TBCD: variants seen among roughly 807,000 people sequenced by gnomAD.
TBCD encodes the protein tubulin folding cofactor D.
Under a neutral mutation model 169.3 loss-of-function variants are expected in TBCD, and 105 were observed. The observed-to-expected ratio is 0.62, with a 90% CI of 0.53 to 0.73. The LOEUF (loss-of-function observed/expected upper bound fraction) is 0.73. Among genes scored for constraint, TBCD ranks in the 30% least tolerant of loss-of-function variants. The pLI is 0.00. For synonymous variants in TBCD, 700 were observed against 643.9 expected (o/e 1.09, Z -1.32); for missense variants, 1,444 against 1,600.1 (o/e 0.90, Z 1.66).
intron 7 of TBCD, among the ~76,000 whole-genome samples, chr17:82,788,247 T>A (rs1164158314): frequency 6.6e-6 from 1 of 151,994 alleles, no homozygotes; most frequent in Non-Finnish European, 1.5e-5. Context: ...AAAAAAAAAT[T>A]TACAAAAAGG....
chr17:82,931,188 G>A (rs965807460), intron 33 of TBCD, among the ~76,000 whole-genome samples: 1 of 152,252 alleles, frequency 6.6e-6, no homozygotes, highest in Non-Finnish European at 1.5e-5. Flanking sequence ...GAGGACACGG[G>A]CCTGGTGTCC....
chr17:82,893,317 G>C, intron 16 of TBCD: 1 of 547,398 alleles, frequency 1.8e-6, no homozygotes. Context: ...TGAAATACTT[G>C]TGAGTGGTTT....
intron 7 of TBCD, among the ~76,000 whole-genome samples, chr17:82,790,110 G>A (rs1388119284): frequency 5.3e-5 from 8 of 152,080 alleles, no homozygotes; most frequent in African/African-American, 1.4e-4. Context: ...TGTGCTTCAC[G>A]TCATCCTGAG....
At position 82,944,013 on chromosome 17, in the gene TBCD, C is replaced by T. The variant is rs575009271; in HGVS notation, c.*1550C>T. ...GTGGAACAGGCGCACCATCGCCATG[C>T]CTGCAGCTCACAAAGCTCCTGCTGG... On this transcript the variant is annotated 3_prime_UTR_variant, in exon 39 of 39. Coordinates refer to ENST00000355528, the MANE Select transcript of TBCD (RefSeq NM_005993.5). 12 of 152,200 alleles carry T rather than the reference C, an allele frequency of 7.9e-5. No individual in the cohort carries two copies. The highest frequency in any genetic ancestry group is 1.9e-4 in the East Asian group (1 of 5,190). 9.4% of individuals were successfully genotyped at this position (152,200 alleles called of 1,614,324 possible). A position where few individuals can be genotyped will look rare whatever the true frequency, so the allele number is the denominator to read the frequency against.
At chr17:82,848,375 C>A (rs531122738) in intron 13 of TBCD, among the ~76,000 whole-genome samples, 1 of 148,344 alleles carries the variant, frequency 6.7e-6, no homozygotes, top group Non-Finnish European at 1.5e-5. Flanking sequence ...CTATGTATGG[C>A]TTGTTTTGTC....
chr17:82,905,320 A>G (rs892366584), intron 19 of TBCD, among the ~76,000 whole-genome samples: 2 of 152,184 alleles, frequency 1.3e-5, no homozygotes, highest in Non-Finnish European at 2.9e-5. Context: ...CGTCTGGGGC[A>G]CTTGGGAGCG....
chr17:82,808,591 T>C (rs1270899196), intron 11 of TBCD, among the ~76,000 whole-genome samples: 1 of 67,510 alleles, frequency 1.5e-5, no homozygotes, highest in Non-Finnish European at 2.8e-5. Context: ...GTGGAGGGGA[T>C]GAGGCAGGTC....
At position 82,923,581 on chromosome 17, in the gene TBCD, C is replaced by A; in HGVS notation, c.2179-71C>A. On this transcript the variant is annotated intron_variant, in intron 25 of 38. Coordinates refer to ENST00000355528, the MANE Select transcript of TBCD (RefSeq NM_005993.5). This position sits in a 1 kb window ranked among gnomAD's most constrained non-coding sequence, Gnocchi z 4.6. ...GGTGCTTCTCCGACTTCAGAGTGAC[C>A]TGCTCTGTCCCTGGCCGGGGGCTTC... 1 of 1,304,016 alleles carries A rather than the reference C, an allele frequency of 7.7e-7. No individual in the cohort carries two copies. Among genetic ancestry groups the A allele is most frequent in the Non-Finnish European group, 1.1e-6 (1 of 930,966 alleles). The allele number at this position is 1,304,016 out of a possible 1,614,324, so 80.8% of individuals were successfully genotyped here.
intron 14 of TBCD, among the ~76,000 whole-genome samples, chr17:82,878,196 C>T (rs1289729610): frequency 6.6e-6 from 1 of 152,192 alleles, no homozygotes; most frequent in African/African-American, 2.4e-5. Context: ...TGGTCCTGTG[C>T]CCTCAGCCTC....
intron 13 of TBCD, among the ~76,000 whole-genome samples, chr17:82,851,286 A>T (rs2055767123): frequency 6.6e-6 from 1 of 152,240 alleles, no homozygotes; most frequent in Non-Finnish European, 1.5e-5. Context: ...AAAAAAGTTT[A>T]AAAATAAAAA....
At chr17:82,766,181 G>C in intron 3 of TBCD, 86 bp from the exon 4 acceptor site, 1 of 1,050,372 alleles carries the variant, frequency 9.5e-7, no homozygotes, top group Admixed American at 2.1e-5. Context: ...CGCGTAGCTG[G>C]TGATTTTTGA....
intron 11 of TBCD, among the ~76,000 whole-genome samples, chr17:82,808,148 G>A (rs1415989744): frequency 6.6e-6 from 1 of 152,148 alleles, no homozygotes; most frequent in Non-Finnish European, 1.5e-5. Flanking sequence ...GGCAGATCCA[G>A]TGGGGCCTGG....
chr17:82,902,095 C>T (rs12453162), intron 18 of TBCD, among the ~76,000 whole-genome samples: 41,981 of 152,030 alleles, frequency 0.28, 6,270 homozygotes, highest in Admixed American at 0.35. Flanking sequence ...GTGTTTTGGG[C>T]GGGGTCACTT....
At chr17:82,936,443 G>A (rs1245367177) in intron 34 of TBCD, among the ~76,000 whole-genome samples, 1 of 152,196 alleles carries the variant, frequency 6.6e-6, no homozygotes, top group Non-Finnish European at 1.5e-5. Flanking sequence ...GTTTGGCTGG[G>A]TGTGTCTGAG....
At chr17:82,894,526 C>A (rs2059352653) in intron 17 of TBCD, among the ~76,000 whole-genome samples, 1 of 152,358 alleles carries the variant, frequency 6.6e-6, no homozygotes, top group Admixed American at 6.5e-5. Context: ...TCTCCGTCAC[C>A]AGCCTGGGCA....
In TBCD at chr17:82,768,459, G is replaced by C; in HGVS notation, c.475G>C (p.Val159Leu). 2 of 1,613,994 alleles carry C rather than the reference G, an allele frequency of 1.2e-6. No individual in the cohort carries two copies. The highest frequency in any genetic ancestry group is 8.5e-7 in the Non-Finnish European group (1 of 1,179,902). Reference sequence around the variant, plus strand: ...CTACATGCTTTTGCTCTGGCTCTCCGTGACCTGCCTGATCCCTTTTGATTT... The same window carrying C: ...CTACATGCTTTTGCTCTGGCTCTCCCTGACCTGCCTGATCCCTTTTGATTT... ...TRYMLLLWLS[V>L]TCLIPFDFSR... Residue 159 changes from valine to leucine, a missense_variant, in exon 5 of 39, where the codon GTG becomes CTG. Transcript: ENST00000355528.
intron 27 of TBCD, 91 bp from the exon 28 acceptor site, chr17:82,926,309 G>T: frequency 8.2e-7 from 1 of 1,215,644 alleles, no homozygotes; most frequent in African/African-American, 1.5e-5. Flanking sequence ...ATGGTGTGGG[G>T]TCTGTGGCTC....
chr17:82,756,415 T>C (rs933148247), intron 2 of TBCD, among the ~76,000 whole-genome samples, 200 bp downstream of exon 2: 4 of 152,140 alleles, frequency 2.6e-5, no homozygotes, highest in Admixed American at 2.0e-4. Context: ...TGGGGGGAGA[T>C]GTGTCTGAGC....
chr17:82,873,017 G>GCCTGGTGGCCGACGGCT (rs1599105112), intron 14 of TBCD, among the ~76,000 whole-genome samples: 2 of 146,776 alleles, frequency 1.4e-5, no homozygotes, highest in African/African-American at 5.5e-5. Flanking sequence ...AGCCAGGCCC[G>GCCTGGTGGCCGACGGCT]TCTGGGCAGC....
Sources: allele counts gnomAD v4.1 joint callset (sites outside exome capture counted in the v4.1 genomes callset), GRCh38; gene constraint gnomAD v4.1.1; non-coding constraint Gnocchi (gnomAD v3.1); transcripts MANE v1.5; gene names NCBI Gene and HGNC (gene_info 2026-07-23, HGNC 2026-07-21).